IPO5: variants seen among roughly 807,000 people sequenced by gnomAD.
IPO5 encodes importin-5.
A neutral mutation model predicts 143.3 loss-of-function variants in IPO5; 18 were observed. The observed-to-expected ratio is 0.13, with a 90% CI of 0.09 to 0.19. IPO5 has a LOEUF of 0.19. IPO5 is among the 10% of genes least tolerant of loss of function. IPO5 has a pLI of 1.00. For missense variants in IPO5, 1,013 were observed against 1,336.9 expected (o/e 0.76, Z 3.78); for synonymous variants, 477 against 465.7 (o/e 1.02, Z -0.31).
intron 4 of IPO5, chr13:97,977,056 A>G: frequency 1.1e-5 from 2 of 183,516 alleles, no homozygotes; most frequent in South Asian, 7.4e-5. Context: ...GCCCCCGTCC[A>G]GGTGTGGGGT....
intron 2 of IPO5, among the ~76,000 whole-genome samples, chr13:97,966,133 C>CG (rs1885316115): frequency 1.1e-5 from 1 of 89,290 alleles, no homozygotes; most frequent in Non-Finnish European, 2.1e-5. Context: ...GGCCCCCTCT[C>CG]AAAAAAAAAA....
chr13:97,986,929 A>T (rs1182457729), intron 6 of IPO5: 1 of 152,274 alleles, frequency 6.6e-6, no homozygotes, highest in Non-Finnish European at 1.5e-5. Flanking sequence ...GGACCCTCAG[A>T]GGTCACTGGG....
intron 16 of IPO5, 50 bp from the exon 17 acceptor site, chr13:98,006,080 A>C (rs764291788): frequency 3.1e-5 from 40 of 1,271,332 alleles, no homozygotes; most frequent in Non-Finnish European, 4.5e-5. Context: ...GTAAATTTAA[A>C]TACTTCTTCC....
At chr13:97,975,342 T>C (rs1886182991) in intron 3 of IPO5, among the ~76,000 whole-genome samples, 1 of 151,782 alleles carries the variant, frequency 6.6e-6, no homozygotes, top group Admixed American at 6.6e-5. Flanking sequence ...TACAAAAAAG[T>C]TAGCTGGGCA....
chr13:97,966,002 T>G lies in IPO5; in HGVS notation c.-112-3721T>G, dbSNP rs540340619. Among the ~76,000 whole-genome samples the G allele has an allele frequency of 7.5e-4, 113 of 151,618 alleles. 1 individual carries two copies. The highest frequency in any genetic ancestry group is 3.4e-3 in the Middle Eastern group (1 of 294). ...ACTAAAAATACAAAAATTAGCTGGG[T>G]GTGGTGGCTTGTGCCTTAATCCCAG... is the stretch of plus-strand genomic sequence containing the variant. On this transcript the variant is annotated intron_variant, in intron 2 of 28. Transcript: ENST00000651721.
intron 2 of IPO5, among the ~76,000 whole-genome samples, chr13:97,964,992 A>G (rs1594016612): frequency 6.6e-6 from 1 of 152,218 alleles, no homozygotes; most frequent in Non-Finnish European, 1.5e-5. Context: ...CACGTATACC[A>G]TTGAATACTA....
chr13:98,016,765 G>C lies in IPO5; in HGVS notation c.2530G>C (p.Asp844His). The C allele has an allele frequency of 6.5e-7, 1 of 1,527,884 alleles. No individual in the cohort carries two copies. The highest frequency in any genetic ancestry group is 8.9e-7 in the Non-Finnish European group (1 of 1,124,384). The allele number at this position is 1,527,884 out of a possible 1,614,324, so 94.6% of individuals were successfully genotyped here. The change falls in exon 25 of 29, where the codon GAT (aspartate) becomes CAT (histidine). Residue 844 changes from aspartate (D) to histidine (H), a missense_variant. Physicochemically the swap from Asp to His is moderately conservative, Grantham distance 81. This residue lies in a region of IPO5 where 685 missense variants were observed against 994.9 expected (regional missense o/e 0.69). Coordinates refer to ENST00000651721, the MANE Select transcript of IPO5 (RefSeq NM_002271.6). ...TGTTTATATTCTGACCAAAGTGTCA[G>C]ATATTTTACACTCAATATTCAGTAG... Reference protein sequence around the residue: ...NDVYILTKVSDILHSIFSSYK... With the variant: ...NDVYILTKVSHILHSIFSSYK...
intron 9 of IPO5, among the ~76,000 whole-genome samples, chr13:97,991,699 A>G (rs1004516580): frequency 1.3e-5 from 2 of 152,224 alleles, no homozygotes; most frequent in East Asian, 1.9e-4. Context: ...TTCCACCTGT[A>G]TGTATCCATT....
In IPO5 at chr13:97,989,181, A is replaced by G. The variant is rs1277324190; in HGVS notation, c.467+17A>G. 1 of 1,405,734 alleles carries G rather than the reference A, an allele frequency of 7.1e-7. No individual in the cohort carries two copies. The highest frequency in any genetic ancestry group is 1.0e-6 in the Non-Finnish European group (1 of 993,796). 87.1% of individuals were successfully genotyped at this position (1,405,734 alleles called of 1,614,324 possible). A position where few individuals can be genotyped will look rare whatever the true frequency, so the allele number is the denominator to read the frequency against. On this transcript the variant is annotated intron_variant, in intron 7 of 28. Coordinates refer to ENST00000651721, the MANE Select transcript of IPO5 (RefSeq NM_002271.6). ...CATTTTCTGGTATATACATTAATCT[A>G]GTTTTTTGAGACATTTGATTTAATG...
At position 98,002,500 on chromosome 13, in the gene IPO5, C is replaced by T. The variant is rs1454593463; in HGVS notation, c.1142C>T (p.Ala381Val). ...DWKYRHAGLM[A>V]LSAIGEGCHQ... is the part of the protein sequence containing the mutation. ...AAATACCGGCATGCAGGATTGATGGCCTTATCTGCCATTGGTGAAGGGTGC... is the reference window on the plus strand; with the variant it reads ...AAATACCGGCATGCAGGATTGATGGTCTTATCTGCCATTGGTGAAGGGTGC... The change falls in exon 14 of 29, where the codon GCC (alanine) becomes GTC (valine). Residue 381 changes from alanine (A) to valine (V), a missense_variant. Ala to Val is a moderately conservative substitution (Grantham distance 64, BLOSUM62 0). Around this residue, in one of 2 missense-constraint regions of IPO5, gnomAD observed 685 missense variants for 994.9 expected, o/e 0.69. Coordinates refer to ENST00000651721, the MANE Select transcript of IPO5 (RefSeq NM_002271.6). 1 of 1,613,854 alleles carries T rather than the reference C, an allele frequency of 6.2e-7. No individual in the cohort carries two copies. Among genetic ancestry groups the T allele is most frequent in the South Asian group, 1.1e-5 (1 of 91,048 alleles).
Position 97,988,344 on chromosome 13 carries a change from G to A in IPO5, c.365-718G>A, listed in dbSNP as rs887844700. Among the ~76,000 whole-genome samples the A allele has an allele frequency of 3.3e-5, 5 of 152,152 alleles. 1 individual carries two copies. The highest frequency in any genetic ancestry group is 1.2e-4 in the African/African-American group (5 of 41,440). ...TGTCTTCTCAAGTTCCAAAGTAGTT[G>A]TTACTTTGGTTTCAAGACCTTGCCA... On this transcript the variant is annotated intron_variant, in intron 6 of 28. Transcript: ENST00000651721.
intron 18 of IPO5, among the ~76,000 whole-genome samples, chr13:98,009,569 A>G (rs1889537827): frequency 6.6e-6 from 1 of 152,162 alleles, no homozygotes; most frequent in Non-Finnish European, 1.5e-5. Context: ...TTAGGTGATT[A>G]GTTTCATTTA....
At chr13:97,989,257 A>T (rs895404548) in intron 7 of IPO5, 93 bp downstream of exon 7, 2 of 638,320 alleles carry the variant, frequency 3.1e-6, no homozygotes. Flanking sequence ...TTAACCTTAT[A>T]CTTAAAATGA....
intron 1 of IPO5, 156 bp downstream of exon 1, chr13:97,953,872 A>G (rs1362526161): frequency 2.2e-6 from 1 of 455,648 alleles, no homozygotes; most frequent in South Asian, 1.6e-5. Flanking sequence ...AGTCATACCC[A>G]AGAGGAAGGA....
chr13:98,012,417 T>G (rs1211213526), intron 21 of IPO5, 75 bp downstream of exon 21: 5 of 884,746 alleles, frequency 5.7e-6, no homozygotes, highest in Non-Finnish European at 9.6e-6. Context: ...TTAGACAGTG[T>G]TGACTGAAGT....
chr13:97,981,029 A>G (rs1168914463), intron 4 of IPO5, among the ~76,000 whole-genome samples: 1 of 152,212 alleles, frequency 6.6e-6, no homozygotes, highest in Non-Finnish European at 1.5e-5. Flanking sequence ...TCAAAGGTAC[A>G]TAACCATTTT....
At chr13:97,982,912 C>T (rs1348641738) in intron 5 of IPO5, among the ~76,000 whole-genome samples, 1 of 152,138 alleles carries the variant, frequency 6.6e-6, no homozygotes, top group Non-Finnish European at 1.5e-5. Flanking sequence ...TTCACTCTGC[C>T]CAGGCTTGAG....
chr13:97,990,253 A>G, intron 8 of IPO5, 31 bp downstream of exon 8: 1 of 1,409,750 alleles, frequency 7.1e-7, no homozygotes, highest in African/African-American at 1.4e-5. Context: ...TAATATAACC[A>G]TCTATTTTAA....
At chr13:97,976,818 CCT>C in intron 4 of IPO5, 32 bp downstream of exon 4, 1 of 1,065,088 alleles carries the variant, frequency 9.4e-7, no homozygotes, top group East Asian at 5.8e-5. Context: ...GTCTTCGCGC[CCT>C]GGCCGGCGCG....
Sources: allele counts gnomAD v4.1 joint callset (sites outside exome capture counted in the v4.1 genomes callset), GRCh38; gene constraint gnomAD v4.1.1; regional missense constraint gnomAD v4.1.1; transcripts MANE v1.5; gene names NCBI Gene and HGNC (gene_info 2026-07-23, HGNC 2026-07-21).